The following IQSEC3 variants were observed in gnomAD, a reference collection of about 807,000 sequenced individuals.
IQSEC3 encodes the protein IQ motif and Sec7 domain ArfGEF 3, also known as IQ motif and SEC7 domain-containing protein 3.
In IQSEC3, 50 loss-of-function variants were observed where a neutral mutation model predicts 105.4. That is an observed-to-expected ratio of 0.47 (90% CI 0.38 to 0.60). The LOEUF (loss-of-function observed/expected upper bound fraction) is 0.60, where lower values mean the gene tolerates loss of function less well. Ranked by LOEUF, IQSEC3 falls within the 20% of genes least tolerant of loss-of-function variation. The pLI is 0.00. For synonymous variants in IQSEC3, 708 were observed against 746.0 expected, an observed-to-expected ratio of 0.95 and a Z score of 0.83; for missense variants, 1,415 against 1,630.0, an observed-to-expected ratio of 0.87 and a Z score of 2.27.
At position 157,629 on chromosome 12, in the gene IQSEC3, T is replaced by C. The variant is rs1555094868; in HGVS notation, c.2378T>C (p.Met793Thr). Residue 793 changes from methionine (M) to threonine (T), a missense_variant, in exon 7 of 14, where the codon ATG becomes ACG. By Grantham distance (81) the Met-to-Thr change is moderately conservative. Around this residue, in one of 6 missense-constraint regions of IQSEC3, gnomAD observed 213 missense variants for 306.2 expected, o/e 0.70. Coordinates refer to ENST00000538872, the MANE Select transcript of IQSEC3 (RefSeq NM_001170738.2). ...GCCATCATCCTCCTCAACACCGACA[T>C]GTACAGCCCCAACATCAAGCCTGAC... ...AFAIILLNTD[M>T]YSPNIKPDRK... 6.2e-6 allele frequency: 10 copies of C among 1,614,012 alleles called. No individual in the cohort carries two copies. In the African/African-American group the frequency reaches 6.7e-5, roughly 11 times the overall value.
chr12:113,896 G>T (rs1020351472), intron 2 of IQSEC3, among the ~76,000 whole-genome samples: 1 of 152,218 alleles, frequency 6.6e-6, no homozygotes, highest in African/African-American at 2.4e-5. Flanking sequence ...TGGACTAGAA[G>T]ATAAATTCAG....
At chr12:109,139 GTTA>G (rs1190642969) in intron 2 of IQSEC3, among the ~76,000 whole-genome samples, 14 of 152,192 alleles carry the variant, frequency 9.2e-5, no homozygotes, top group African/African-American at 3.1e-4. Flanking sequence ...CCTGTATTGG[GTTA>G]TTAAGTTTTT....
chr12:94,353 A>C (rs1419119972), intron 1 of IQSEC3, among the ~76,000 whole-genome samples: 1 of 152,216 alleles, frequency 6.6e-6, no homozygotes, highest in Non-Finnish European at 1.5e-5. Context: ...AAGCTAAGAC[A>C]TGCCCAGGTC....
chr12:168,978 G>GGT lies in IQSEC3; in HGVS notation c.2972-34_2972-33dup, dbSNP rs781946336. 1.7e-5 allele frequency: 27 copies of GGT among 1,582,482 alleles called. No homozygotes were observed. In the Middle Eastern group the frequency reaches 5.0e-4, roughly 29 times the overall value. On this transcript the variant is annotated intron_variant, in intron 11 of 13. Coordinates refer to ENST00000538872, the MANE Select transcript of IQSEC3 (RefSeq NM_001170738.2). ...CTCGCCTCTGTGTGGTTGAGGTTAA[G>GGT]GTTTCTCTTGCTCACGGGCCTCTGC...
Position 162,056 on chromosome 12 carries a change from C to T in IQSEC3, c.2574C>T (p.Gly858=). 1.2e-6 allele frequency: 2 copies of T among 1,613,746 alleles called. No individual in the cohort carries two copies. Among genetic ancestry groups the T allele is most frequent in the Non-Finnish European group, 1.7e-6 (2 of 1,179,954 alleles). The change falls in exon 8 of 14, where the codon GGC becomes GGT. Residue 858 remains glycine, a synonymous_variant. Coordinates refer to ENST00000538872, the MANE Select transcript of IQSEC3 (RefSeq NM_001170738.2). ...CCAAGGTGGAGAAGTCCATTGTGGG[C>T]ATGAAGACAGTGAGTGTCCACAAGC... ...YVTKVEKSIV[G]MKTVLSVPHR...
intron 7 of IQSEC3, among the ~76,000 whole-genome samples, chr12:160,117 GGTTT>G (rs375896478): frequency 2.8e-4 from 42 of 150,134 alleles, no homozygotes; most frequent in East Asian, 1.2e-3. Flanking sequence ...TGTTAATATT[GGTTT>G]GTTTGTTTGT....
intron 2 of IQSEC3, among the ~76,000 whole-genome samples, chr12:121,537 C>T (rs1342996823): frequency 1.3e-5 from 2 of 152,178 alleles, no homozygotes; most frequent in South Asian, 4.1e-4. Flanking sequence ...TTGGTGACAC[C>T]CAAGACCAAG....
In IQSEC3 at chr12:156,896, C is replaced by T. The variant is rs895717951; in HGVS notation, c.2154-129C>T. 2.4e-4 allele frequency: 281 copies of T among 1,171,456 alleles called. No homozygotes were observed. The East Asian group carries it at 6.2e-3, about 26-fold the overall frequency. 72.6% of individuals were successfully genotyped at this position (1,171,456 alleles called of 1,614,324 possible). A position where few individuals can be genotyped will look rare whatever the true frequency, so the allele number is the denominator to read the frequency against. On this transcript the variant is annotated intron_variant, in intron 5 of 13. Coordinates refer to ENST00000538872, the MANE Select transcript of IQSEC3 (RefSeq NM_001170738.2). ...ATGGTCCTCTTGGGGCATTAAAGGG[C>T]GACCCCCGGGGGTGAGTAGCCTGAG... is the stretch of plus-strand genomic sequence containing the variant.
intron 1 of IQSEC3, among the ~76,000 whole-genome samples, chr12:72,139 G>A (rs1555067703): frequency 6.6e-6 from 1 of 152,210 alleles, no homozygotes; most frequent in Non-Finnish European, 1.5e-5. Context: ...CCAGACCAAT[G>A]CAGTGAATGC....
At position 66,806 on chromosome 12, in the gene IQSEC3, G is replaced by A. The variant is rs1486659828; in HGVS notation, c.-77G>A. 12 of 1,289,020 alleles carry A rather than the reference G, an allele frequency of 9.3e-6. No individual in the cohort carries two copies. In the Admixed American group the frequency reaches 1.3e-4, roughly 14 times the overall value. 79.8% of individuals were successfully genotyped at this position (1,289,020 alleles called of 1,614,324 possible). A position where few individuals can be genotyped will look rare whatever the true frequency, so the allele number is the denominator to read the frequency against. ...GGAGAGGGAGGCGAGCCGACCGCTG[G>A]GCTGCTGGGCTCCCGCGCCCTCGCG... On this transcript the variant is annotated 5_prime_UTR_variant, in exon 1 of 14. Coordinates refer to ENST00000538872, the MANE Select transcript of IQSEC3 (RefSeq NM_001170738.2).
chr12:122,143 C>A (rs1458012187), intron 2 of IQSEC3, among the ~76,000 whole-genome samples: 2 of 152,186 alleles, frequency 1.3e-5, no homozygotes, highest in Non-Finnish European at 2.9e-5. Context: ...CCTGAGAGGG[C>A]CCCAGTCTCT....
chr12:122,217 C>G (rs1464515151), intron 2 of IQSEC3, among the ~76,000 whole-genome samples: 1 of 152,172 alleles, frequency 6.6e-6, no homozygotes, highest in Non-Finnish European at 1.5e-5. Flanking sequence ...AGCCTGGAAC[C>G]TTGGGGCCAG....
chr12:89,211 C>T (rs1428633650), intron 1 of IQSEC3, among the ~76,000 whole-genome samples: 1 of 152,156 alleles, frequency 6.6e-6, no homozygotes, highest in Non-Finnish European at 1.5e-5. Flanking sequence ...CAGTTTCTGG[C>T]CCCCTGGACT....
chr12:123,197 G>A (rs1865274122), intron 2 of IQSEC3, among the ~76,000 whole-genome samples: 1 of 152,180 alleles, frequency 6.6e-6, no homozygotes, highest in African/African-American at 2.4e-5. Context: ...TCGAGCCCAG[G>A]AGTTCAAGAC....
rs1866005971 is a variant in IQSEC3 at position 141,129 on chromosome 12, C to A, written c.1997C>A (p.Pro666His). Residue 666 changes from proline (P) to histidine (H), a missense_variant, in exon 5 of 14, where the codon CCC (proline) becomes CAC (histidine). Pro to His is a moderately conservative substitution (Grantham distance 77, BLOSUM62 -2). This residue lies in a region of IQSEC3 where 213 missense variants were observed against 306.2 expected (regional missense o/e 0.70). Coordinates refer to ENST00000538872, the MANE Select transcript of IQSEC3 (RefSeq NM_001170738.2). Reference sequence around the variant, plus strand: ...CTCCCCACCCCCACCTCCAGAAACCCCGACAAGGGCATCCAGTTCCTGATC... The same window carrying A: ...CTCCCCACCCCCACCTCCAGAAACCACGACAAGGGCATCCAGTTCCTGATC... ...RIGLNLFNIN[P>H]DKGIQFLISR... 1.9e-6 allele frequency: 3 copies of A among 1,600,256 alleles called. No individual in the cohort carries two copies. The highest frequency in any genetic ancestry group is 1.7e-6 in the Non-Finnish European group (2 of 1,169,452).
intron 7 of IQSEC3, among the ~76,000 whole-genome samples, chr12:160,382 G>T (rs782467034): frequency 9.9e-5 from 15 of 152,130 alleles, no homozygotes; most frequent in Non-Finnish European, 1.8e-4. Context: ...CCCTACTGCA[G>T]TATCTGGAGA....
rs1555088225 is a variant in IQSEC3 at position 139,168 on chromosome 12, C to T, written c.1805C>T (p.Thr602Met). ...GDLEQLSSSSTSTKSAKSGSE... is the reference protein window; with the variant it reads ...GDLEQLSSSSMSTKSAKSGSE... ...TTGGAGCAGCTGAGCAGCAGCAGCACGTCCACCAAGTCCGCCAAGTCAGGC... is the reference window on the plus strand; with the variant it reads ...TTGGAGCAGCTGAGCAGCAGCAGCATGTCCACCAAGTCCGCCAAGTCAGGC... Residue 602 changes from threonine (T) to methionine (M), a missense_variant, in exon 4 of 14, where the codon ACG becomes ATG. Around this residue, in one of 6 missense-constraint regions of IQSEC3, gnomAD observed 720 missense variants for 633.0 expected, o/e 1.14. Coordinates refer to ENST00000538872, the MANE Select transcript of IQSEC3 (RefSeq NM_001170738.2). The T allele has an allele frequency of 1.9e-6, 3 of 1,573,890 alleles. No homozygotes were observed. The highest frequency in any genetic ancestry group is 2.6e-6 in the Non-Finnish European group (3 of 1,161,800).
At chr12:132,352 G>T (rs1336167183) in intron 3 of IQSEC3, among the ~76,000 whole-genome samples, 1 of 152,124 alleles carries the variant, frequency 6.6e-6, no homozygotes, top group African/African-American at 2.4e-5. Flanking sequence ...CAGCCAGATT[G>T]TTAGGGTTGG....
At chr12:134,180 T>C (rs1366295513) in intron 3 of IQSEC3, among the ~76,000 whole-genome samples, 1 of 152,144 alleles carries the variant, frequency 6.6e-6, no homozygotes, top group Non-Finnish European at 1.5e-5. Context: ...AATATAACTT[T>C]GGAATTAATT....
Sources: gnomAD v4.1 joint callset for allele counts (sites outside exome capture counted in the v4.1 genomes callset) on GRCh38, gnomAD v4.1.1 for gene constraint, gnomAD v4.1.1 regional missense constraint, MANE v1.5 for transcripts, NCBI Gene and HGNC (gene_info 2026-07-23, HGNC 2026-07-21) for gene names.